The following CNTNAP2 variants were observed in gnomAD, a reference collection of about 807,000 sequenced individuals.
CNTNAP2 encodes contactin associated protein 2.
Under a neutral mutation model 155.2 loss-of-function variants are expected in CNTNAP2, and 98 were observed. That is an observed-to-expected ratio of 0.63 (90% CI 0.54 to 0.75). CNTNAP2 has a LOEUF of 0.75. Ranked by LOEUF, CNTNAP2 falls within the 30% of genes least tolerant of loss-of-function variation. CNTNAP2 has a pLI of 0.00. For synonymous variants in CNTNAP2, 651 were observed against 631.2 expected, an observed-to-expected ratio of 1.03 and a Z score of -0.47; for missense variants, 1,727 against 1,688.1, an observed-to-expected ratio of 1.02 and a Z score of -0.40.
chr7:147,398,720 G>A (rs1402700204), intron 10 of CNTNAP2, among the ~76,000 whole-genome samples: 6 of 141,258 alleles, frequency 4.2e-5, no homozygotes, highest in Admixed American at 7.7e-5. Context: ...TATGCATTCA[G>A]TATTTATTTT....
At chr7:146,277,354 A>T (rs910813060) in intron 1 of CNTNAP2, among the ~76,000 whole-genome samples, 1 of 152,218 alleles carries the variant, frequency 6.6e-6, no homozygotes, top group Non-Finnish European at 1.5e-5. Flanking sequence ...AGAAATATAT[A>T]GGAGTAAAAG....
At chr7:147,467,451 A>G (rs1020452551) in intron 10 of CNTNAP2, among the ~76,000 whole-genome samples, 2 of 152,204 alleles carry the variant, frequency 1.3e-5, no homozygotes, top group African/African-American at 4.8e-5. Context: ...ATCAAATACC[A>G]CATGAACTCA....
intron 1 of CNTNAP2, among the ~76,000 whole-genome samples, chr7:146,509,756 T>A (rs953744632): frequency 6.6e-6 from 1 of 152,160 alleles, no homozygotes; most frequent in Non-Finnish European, 1.5e-5. Context: ...TTACCTGTGC[T>A]GCATCCTGCA....
At chr7:148,352,021 G>T (rs4424178) in intron 21 of CNTNAP2, among the ~76,000 whole-genome samples, 1 of 151,652 alleles carries the variant, frequency 6.6e-6, no homozygotes, top group African/African-American at 2.4e-5. Context: ...CCTATGTAGA[G>T]GCATAATATC....
chr7:148,228,836 A>AAAAG (rs1437093155), intron 19 of CNTNAP2, among the ~76,000 whole-genome samples: 2 of 151,688 alleles, frequency 1.3e-5, no homozygotes, highest in African/African-American at 4.8e-5. Flanking sequence ...TCAAAAAAAA[A>AAAAG]AAAAAAACTA....
At chr7:147,065,056 G>A (rs1232068574) in intron 4 of CNTNAP2, among the ~76,000 whole-genome samples, 1 of 152,126 alleles carries the variant, frequency 6.6e-6, no homozygotes, top group Non-Finnish European at 1.5e-5. Context: ...AAATAGTTTA[G>A]ATGAGATTGT....
intron 13 of CNTNAP2, among the ~76,000 whole-genome samples, chr7:147,682,547 A>G (rs543347061): frequency 6.6e-6 from 1 of 152,078 alleles, no homozygotes; most frequent in South Asian, 2.1e-4. Flanking sequence ...CATATAAGCT[A>G]TCAGCCACAC....
intron 14 of CNTNAP2, among the ~76,000 whole-genome samples, chr7:147,935,258 C>T (rs965223404): frequency 1.3e-5 from 2 of 151,996 alleles, no homozygotes; most frequent in Non-Finnish European, 2.9e-5. Context: ...TCCAGAGTAG[C>T]TGGGATTACA....
chr7:148,331,555 A>ATGGACGGATGGAG, intron 21 of CNTNAP2, among the ~76,000 whole-genome samples: 1 of 19,126 alleles, frequency 5.2e-5, no homozygotes, highest in Non-Finnish European at 1.1e-4. Flanking sequence ...GATGGATGGA[A>ATGGACGGATGGAG]TGGACGGATG....
chr7:148,305,149 G>C lies in CNTNAP2; in HGVS notation c.3475+38023G>C, dbSNP rs1797466205. Among the ~76,000 whole-genome samples, 5 of 140,566 alleles carry C rather than the reference G, an allele frequency of 3.6e-5. 1 individual carries two copies. The South Asian group carries it at 1.2e-3, about 33-fold the overall frequency. The allele number at this position is 140,566 out of a possible 152,430, so 92.2% of individuals were successfully genotyped here. ...GAAGTGGGAGGATCACTTGAGCCCAGGAATTGGAGACTGCAGCGAGCTATG... is the reference window on the plus strand; with the variant it reads ...GAAGTGGGAGGATCACTTGAGCCCACGAATTGGAGACTGCAGCGAGCTATG... On this transcript the variant is annotated intron_variant, in intron 21 of 23. Coordinates refer to ENST00000361727, the MANE Select transcript of CNTNAP2 (RefSeq NM_014141.6).
intron 13 of CNTNAP2, among the ~76,000 whole-genome samples, chr7:147,747,955 C>T (rs1417495161): frequency 6.6e-6 from 1 of 152,218 alleles, no homozygotes; most frequent in Non-Finnish European, 1.5e-5. Context: ...CTGGCCTTGC[C>T]AGTGCATTCC....
chr7:146,607,267 G>T (rs1799064091), intron 1 of CNTNAP2, among the ~76,000 whole-genome samples: 1 of 151,988 alleles, frequency 6.6e-6, no homozygotes, highest in Non-Finnish European at 1.5e-5. Context: ...TAATCTTCAA[G>T]ATATCTCTGA....
Position 148,061,459 on chromosome 7 carries a change from G to A in CNTNAP2, c.2384-56659G>A, listed in dbSNP as rs372115083. 2.4e-4 allele frequency among the ~76,000 whole-genome samples: 36 copies of A among 152,134 alleles called. No homozygotes were observed. In the East Asian group the frequency reaches 3.7e-3, roughly 16 times the overall value. On this transcript the variant is annotated intron_variant, in intron 15 of 23. Coordinates refer to ENST00000361727, the MANE Select transcript of CNTNAP2 (RefSeq NM_014141.6). ...ACCTCCACCTCCCAGGTTCAAGTGAGTCTCCTGCCTCAGTTTCCCAAGTAG... is the reference window on the plus strand; with the variant it reads ...ACCTCCACCTCCCAGGTTCAAGTGAATCTCCTGCCTCAGTTTCCCAAGTAG...
chr7:146,861,337 G>A (rs1009730748), intron 3 of CNTNAP2, among the ~76,000 whole-genome samples: 1 of 152,142 alleles, frequency 6.6e-6, no homozygotes, highest in Non-Finnish European at 1.5e-5. Flanking sequence ...ATAGGCATGA[G>A]TGTTTTTCCT....
At chr7:146,545,820 C>T (rs901359880) in intron 1 of CNTNAP2, among the ~76,000 whole-genome samples, 2 of 151,864 alleles carry the variant, frequency 1.3e-5, no homozygotes, top group African/African-American at 4.8e-5. Flanking sequence ...CCAGCAATCC[C>T]ATTACTGGGT....
chr7:146,255,281 A>G (rs192475834), intron 1 of CNTNAP2, among the ~76,000 whole-genome samples: 1 of 152,338 alleles, frequency 6.6e-6, no homozygotes, highest in East Asian at 1.9e-4. Flanking sequence ...TGGAAAATGC[A>G]ACAATAAACA....
intron 1 of CNTNAP2, among the ~76,000 whole-genome samples, chr7:146,591,300 C>T (rs1388662540): frequency 6.6e-6 from 1 of 152,128 alleles, no homozygotes; most frequent in Non-Finnish European, 1.5e-5. Flanking sequence ...ATGAGGGATA[C>T]TCAGCCTGTA....
At chr7:148,294,106 C>A (rs1376025699) in intron 21 of CNTNAP2, among the ~76,000 whole-genome samples, 1 of 145,116 alleles carries the variant, frequency 6.9e-6, no homozygotes, top group Non-Finnish European at 1.5e-5. Flanking sequence ...AAGGAAAAAG[C>A]AGGCGGTGTT....
chr7:147,658,079 A>AC lies in CNTNAP2; in HGVS notation c.2098+18777dup, dbSNP rs1158323016. Among the ~76,000 whole-genome samples the AC allele has an allele frequency of 1.0e-4, 13 of 126,326 alleles. 3 individuals are homozygous for AC. Among genetic ancestry groups the AC allele is most frequent in the African/African-American group, 3.5e-4 (13 of 36,690 alleles). The allele number at this position is 126,326 out of a possible 152,430, so 82.9% of individuals were successfully genotyped here. ...AGACCATCCCGGCAAAAATGGTGAAACCCCGTCTCTACTAAAAAATACAAA... is the reference window on the plus strand; with the variant it reads ...AGACCATCCCGGCAAAAATGGTGAAACCCCCGTCTCTACTAAAAAATACAAA... On this transcript the variant is annotated intron_variant, in intron 13 of 23. Coordinates refer to ENST00000361727, the MANE Select transcript of CNTNAP2 (RefSeq NM_014141.6).
Sources: gnomAD v4.1 joint callset for allele counts (sites outside exome capture counted in the v4.1 genomes callset) on GRCh38, gnomAD v4.1.1 for gene constraint, MANE v1.5 for transcripts, NCBI Gene and HGNC (gene_info 2026-07-23, HGNC 2026-07-21) for gene names.